CDC42SE2: variants seen among roughly 807,000 people sequenced by gnomAD.
CDC42SE2 encodes the protein CDC42 small effector 2.
In CDC42SE2, 3 loss-of-function variants were observed where a neutral mutation model predicts 11.5. The ratio of observed to expected loss-of-function variants is 0.26; its 90% CI spans 0.12 to 0.67. The LOEUF (loss-of-function observed/expected upper bound fraction) is 0.67, where lower values mean the gene tolerates loss of function less well. CDC42SE2 is among the 30% of genes least tolerant of loss of function. CDC42SE2 has a pLI of 0.80. For missense variants in CDC42SE2, 82 were observed against 106.8 expected (o/e 0.77, Z 1.02); for synonymous variants, 33 against 34.8 (o/e 0.95, Z 0.18).
the CDC42SE2 span, among the ~76,000 whole-genome samples, chr5:131,220,972 C>A: frequency 6.6e-6 from 1 of 151,440 alleles, no homozygotes; most frequent in Non-Finnish European, 1.5e-5. Flanking sequence ...GCAGCCTCCA[C>A]CTCCTGGGTT....
chr5:131,262,534 GCTTCTA>G (rs1756753064), upstream of CDC42SE2, among the ~76,000 whole-genome samples: 1 of 152,154 alleles, frequency 6.6e-6, no homozygotes, highest in East Asian at 1.9e-4. Flanking sequence ...AAAAATCCCA[GCTTCTA>G]CTAGGGAAGG....
chr5:131,290,885 T>G (rs1324774024), intron 1 of CDC42SE2, among the ~76,000 whole-genome samples: 2 of 152,024 alleles, frequency 1.3e-5, no homozygotes, highest in Admixed American at 1.3e-4. Context: ...ATATAAAAAT[T>G]AGAAAAAAAG....
At chr5:131,343,841 TG>T (rs1478763528) in intron 2 of CDC42SE2, among the ~76,000 whole-genome samples, 1 of 151,900 alleles carries the variant, frequency 6.6e-6, no homozygotes, top group African/African-American at 2.4e-5. Flanking sequence ...CTTACACAAG[TG>T]GGAGAAGAAA....
intron 1 of CDC42SE2, among the ~76,000 whole-genome samples, chr5:131,298,180 G>A (rs1408118439): frequency 1.3e-5 from 2 of 151,234 alleles, no homozygotes; most frequent in African/African-American, 4.9e-5. Context: ...TCGGCTCAGC[G>A]CAACCTCTGC....
At chr5:131,323,537 T>C (rs1265406623) in intron 2 of CDC42SE2, among the ~76,000 whole-genome samples, 2 of 145,114 alleles carry the variant, frequency 1.4e-5, no homozygotes, top group Non-Finnish European at 1.5e-5. Flanking sequence ...ATTGTACCTC[T>C]CTCTCTCTGG....
intron 1 of CDC42SE2, among the ~76,000 whole-genome samples, chr5:131,281,958 A>G (rs1757245783): frequency 6.6e-6 from 1 of 152,238 alleles, no homozygotes; most frequent in Non-Finnish European, 1.5e-5. Flanking sequence ...TTTCCTTTCA[A>G]CAATACCATA....
At chr5:131,374,020 A>G (rs181476990) in intron 3 of CDC42SE2, among the ~76,000 whole-genome samples, 2 of 152,326 alleles carry the variant, frequency 1.3e-5, no homozygotes, top group Admixed American at 6.5e-5. Flanking sequence ...AAAGAGGACA[A>G]AAGGCATTGG....
chr5:131,242,096 G>A (rs1024298832), upstream of CDC42SE2, among the ~76,000 whole-genome samples: 3 of 151,898 alleles, frequency 2.0e-5, no homozygotes, highest in African/African-American at 4.8e-5. Context: ...TTTTATTTTG[G>A]CTTGATACTC....
intron 2 of CDC42SE2, among the ~76,000 whole-genome samples, chr5:131,342,115 A>G (rs1475494068): frequency 6.6e-6 from 1 of 151,574 alleles, no homozygotes; most frequent in African/African-American, 2.4e-5. Context: ...CCCCATCTCT[A>G]CCAAAAATAC....
chr5:131,232,665 C>T, the CDC42SE2 span, among the ~76,000 whole-genome samples: 3 of 134,124 alleles, frequency 2.2e-5, no homozygotes, highest in South Asian at 2.5e-4. Context: ...ACACAGGAGG[C>T]GGAGGTTGCA....
chr5:131,308,870 A>G lies in CDC42SE2; in HGVS notation c.-454-7106A>G, dbSNP rs1278858551. 2.6e-5 allele frequency among the ~76,000 whole-genome samples: 4 copies of G among 152,294 alleles called. No individual in the cohort carries two copies. In the East Asian group the frequency reaches 7.7e-4, roughly 29 times the overall value. On this transcript the variant is annotated intron_variant, in intron 1 of 4. Transcript: ENST00000505065. ...GCTGAGATGATGGGGTTTTCTAGCT[A>G]TACAATCATGTCATCTGCAAACAGG... is the stretch of plus-strand genomic sequence containing the variant.
intron 2 of CDC42SE2, among the ~76,000 whole-genome samples, chr5:131,324,202 T>C (rs1288786121): frequency 6.6e-6 from 1 of 152,232 alleles, no homozygotes; most frequent in African/African-American, 2.4e-5. Flanking sequence ...TATCCAGCTG[T>C]AGCCTGTGAC....
chr5:131,212,157 G>T, the CDC42SE2 span, among the ~76,000 whole-genome samples: 4 of 151,784 alleles, frequency 2.6e-5, no homozygotes, highest in African/African-American at 9.7e-5. Flanking sequence ...ACCCAGGCTG[G>T]AGTGCAGTGG....
At chr5:131,289,378 A>G (rs926278833) in intron 1 of CDC42SE2, among the ~76,000 whole-genome samples, 1 of 152,194 alleles carries the variant, frequency 6.6e-6, no homozygotes, top group Non-Finnish European at 1.5e-5. Context: ...TCATGTCAAG[A>G]GTTTGTAGCA....
At chr5:131,374,574 A>G (rs1375446067) in intron 3 of CDC42SE2, among the ~76,000 whole-genome samples, 1 of 151,674 alleles carries the variant, frequency 6.6e-6, no homozygotes, top group East Asian at 1.9e-4. Flanking sequence ...TGTGTGTAAA[A>G]TTTGTGACAG....
At chr5:131,238,928 C>T in the CDC42SE2 span, among the ~76,000 whole-genome samples, 3 of 151,928 alleles carry the variant, frequency 2.0e-5, no homozygotes, top group Non-Finnish European at 4.4e-5. Context: ...GAGGCTGAGG[C>T]GGGTGGATCA....
chr5:131,307,152 G>T (rs572359713), intron 1 of CDC42SE2, among the ~76,000 whole-genome samples: 3 of 151,634 alleles, frequency 2.0e-5, no homozygotes, highest in Non-Finnish European at 4.4e-5. Context: ...TGCCATGCTG[G>T]TATGCTGCAC....
At chr5:131,230,238 T>C in the CDC42SE2 span, among the ~76,000 whole-genome samples, 1 of 152,218 alleles carries the variant, frequency 6.6e-6, no homozygotes, top group Non-Finnish European at 1.5e-5. Flanking sequence ...CAATGTTCAC[T>C]GGAAAGCATT....
upstream of CDC42SE2, chr5:131,263,898 G>C (rs1245127648): frequency 6.6e-6 from 1 of 152,374 alleles, no homozygotes. Context: ...GCCCATGCCG[G>C]AGGTACGGCG....
Sources: gnomAD v4.1 joint callset for allele counts (sites outside exome capture counted in the v4.1 genomes callset) on GRCh38, gnomAD v4.1.1 for gene constraint, MANE v1.5 for transcripts, NCBI Gene and HGNC (gene_info 2026-07-23, HGNC 2026-07-21) for gene names.